The following RAB11FIP3 variants were observed in gnomAD, a reference collection of about 807,000 sequenced individuals.
The protein encoded by RAB11FIP3 is RAB11 family interacting protein 3.
RAB11FIP3 carries 17 observed loss-of-function variants against 77.8 expected under a neutral mutation model. The ratio of observed to expected loss-of-function variants is 0.22; its 90% CI spans 0.15 to 0.33. RAB11FIP3 has a LOEUF of 0.33. Among genes scored for constraint, RAB11FIP3 ranks in the 10% least tolerant of loss-of-function variants. RAB11FIP3 has a pLI of 1.00. For missense variants in RAB11FIP3, 1,005 were observed against 1,011.2 expected (o/e 0.99, Z 0.08); for synonymous variants, 437 against 448.2 (o/e 0.98, Z 0.31).
rs368419347 is a variant in RAB11FIP3, at chr16:432,922, T to C, written c.714+6202T>C. Among the ~76,000 whole-genome samples the C allele has an allele frequency of 9.4e-5, 14 of 149,626 alleles. No homozygotes were observed. In the East Asian group the frequency reaches 2.4e-3, roughly 26 times the overall value. ...CCTAGCCTGAGCTGTTTCTTTTTAA[T>C]TGATAGAAATATTTGTACATATTCA... On this transcript the variant is annotated intron_variant, in intron 1 of 13. Transcript: ENST00000262305.
rs2030155316 is a variant in RAB11FIP3 at position 491,221 on chromosome 16, C to T, written c.1265+2221C>T. 5 of 1,304,776 alleles carry T rather than the reference C, an allele frequency of 3.8e-6. No homozygotes were observed. The African/African-American group carries it at 6.1e-5, about 16-fold the overall frequency. The allele number at this position is 1,304,776 out of a possible 1,614,324, so 80.8% of individuals were successfully genotyped here. A position where few individuals can be genotyped will look rare whatever the true frequency, so the allele number is the denominator to read the frequency against. On this transcript the variant is annotated intron_variant, in intron 5 of 13. Coordinates refer to ENST00000262305, the MANE Select transcript of RAB11FIP3 (RefSeq NM_014700.4). ...GTAGCCAGTGCCACAAACAAATCAACCGCCTTGAGGATCTTTCTGCCCGCC... is the reference window on the plus strand; with the variant it reads ...GTAGCCAGTGCCACAAACAAATCAATCGCCTTGAGGATCTTTCTGCCCGCC...
intron 5 of RAB11FIP3, among the ~76,000 whole-genome samples, chr16:493,902 A>G (rs575091782): frequency 2.2e-4 from 25 of 114,476 alleles, no homozygotes; most frequent in East Asian, 1.4e-3. Flanking sequence ...GCCTGGAGGT[A>G]TATTATCTTT....
chr16:432,587 G>GT (rs775298981), intron 1 of RAB11FIP3, among the ~76,000 whole-genome samples: 2,818 of 111,242 alleles, frequency 0.025, 62 homozygotes, highest in African/African-American at 0.04. Context: ...TTTTGACCTG[G>GT]TTTTTTTTTT....
intron 1 of RAB11FIP3, among the ~76,000 whole-genome samples, chr16:447,631 A>G (rs976678905): frequency 1.3e-5 from 2 of 151,972 alleles, no homozygotes; most frequent in African/African-American, 2.4e-5. Context: ...CCAGCTACTC[A>G]GTGGGCTAAG....
At chr16:462,681 C>CGTCCCTT (rs948047914) in intron 2 of RAB11FIP3, among the ~76,000 whole-genome samples, 4 of 144,242 alleles carry the variant, frequency 2.8e-5, no homozygotes, top group Non-Finnish European at 6.0e-5. Flanking sequence ...TCCCCGGCAC[C>CGTCCCTT]GTCCCTTCCC....
chr16:453,558 C>G (rs906074450), intron 1 of RAB11FIP3: 7 of 150,192 alleles, frequency 4.7e-5, no homozygotes, highest in Non-Finnish European at 8.8e-5. Flanking sequence ...CATGGGTAAT[C>G]AGAACAGATC....
chr16:470,826 G>A (rs559060573), intron 2 of RAB11FIP3, among the ~76,000 whole-genome samples: 4 of 152,198 alleles, frequency 2.6e-5, no homozygotes, highest in South Asian at 4.1e-4. Flanking sequence ...TGAAAACTGC[G>A]CGTGAACCCA....
chr16:431,564 G>A (rs957623214), intron 1 of RAB11FIP3, among the ~76,000 whole-genome samples: 3 of 151,880 alleles, frequency 2.0e-5, no homozygotes, highest in South Asian at 2.1e-4. Context: ...TAGTAGAGAC[G>A]GGGTTTCGCC....
chr16:477,656 G>A (rs1015535246), intron 3 of RAB11FIP3: 26 of 985,342 alleles, frequency 2.6e-5, no homozygotes, highest in Non-Finnish European at 2.7e-5. Context: ...GCCCAGGGAC[G>A]GTGAGTAGCA....
At chr16:445,067 T>C (rs2055288985) in intron 1 of RAB11FIP3, among the ~76,000 whole-genome samples, 1 of 127,222 alleles carries the variant, frequency 7.9e-6, no homozygotes, top group African/African-American at 3.2e-5. Flanking sequence ...TGAGCCGAGA[T>C]CTCACCACTG....
chr16:468,263 CAGGGAAG>C lies in RAB11FIP3; in HGVS notation c.809-3031_809-3025del, dbSNP rs1567374327. Among the ~76,000 whole-genome samples, 502 of 117,198 alleles carry C rather than the reference CAGGGAAG, an allele frequency of 4.3e-3. 14 individuals are homozygous for C. The highest frequency in any genetic ancestry group is 0.01 in the African/African-American group (310 of 29,960). 76.9% of individuals were successfully genotyped at this position (117,198 alleles called of 152,430 possible). On this transcript the variant is annotated intron_variant, in intron 2 of 13. Coordinates refer to ENST00000262305, the MANE Select transcript of RAB11FIP3 (RefSeq NM_014700.4). ...GTGCTGGGGCGTCAGGGAGGAGGTG[CAGGGAAG>C]TCAGGGAGGAGGTGCAGGGGCGTCA... is the stretch of plus-strand genomic sequence containing the variant.
chr16:468,053 TTGGAGGAGGTG>T lies in RAB11FIP3; in HGVS notation c.809-3241_809-3231del, dbSNP rs1567374100. 1.3e-3 allele frequency among the ~76,000 whole-genome samples: 37 copies of T among 27,472 alleles called. 2 individuals carry two copies. Among genetic ancestry groups the T allele is most frequent in the Non-Finnish European group, 1.4e-3 (19 of 13,542 alleles). The allele number at this position is 27,472 out of a possible 152,430, so 18.0% of individuals were successfully genotyped here. A position where few individuals can be genotyped will look rare whatever the true frequency, so the allele number is the denominator to read the frequency against. On this transcript the variant is annotated intron_variant, in intron 2 of 13. Transcript: ENST00000262305. ...AAGTCAGGGAGGAGGTGCAGGGGCGTTGGAGGAGGTGCAGGGAAGTGAGGGAGGAGGTGCAG... is the reference window on the plus strand; with the variant it reads ...AAGTCAGGGAGGAGGTGCAGGGGCGTCAGGGAAGTGAGGGAGGAGGTGCAG...
At position 448,541 on chromosome 16, in the gene RAB11FIP3, C is replaced by G. The variant is rs147857433; in HGVS notation, c.715-12863C>G. Reference sequence around the variant, plus strand: ...CACGAGGTCAGGAGATCGAGACCATCCTGGCTAACACGGTGAAACCCCTTC... The same window carrying G: ...CACGAGGTCAGGAGATCGAGACCATGCTGGCTAACACGGTGAAACCCCTTC... On this transcript the variant is annotated intron_variant, in intron 1 of 13. Coordinates refer to ENST00000262305, the MANE Select transcript of RAB11FIP3 (RefSeq NM_014700.4). 4.9e-4 allele frequency among the ~76,000 whole-genome samples: 75 copies of G among 151,732 alleles called. No individual in the cohort carries two copies. In the East Asian group the frequency reaches 0.011, roughly 23 times the overall value.
intron 9 of RAB11FIP3, among the ~76,000 whole-genome samples, chr16:511,986 AC>A (rs2141887788): frequency 1.7e-5 from 1 of 58,638 alleles, no homozygotes; most frequent in East Asian, 5.1e-4. Flanking sequence ...CTGACAGCCC[AC>A]CCACCCCAGA....
At chr16:460,377 A>C (rs2055584455) in intron 1 of RAB11FIP3, among the ~76,000 whole-genome samples, 1 of 152,134 alleles carries the variant, frequency 6.6e-6, no homozygotes, top group South Asian at 2.1e-4. Context: ...TTACATAGGC[A>C]AACGTGTGCC....
At chr16:479,987 T>A (rs1310713496) in intron 3 of RAB11FIP3, among the ~76,000 whole-genome samples, 1 of 151,674 alleles carries the variant, frequency 6.6e-6, no homozygotes, top group East Asian at 1.9e-4. Context: ...ATTTTTCATT[T>A]AAAAAAAAGT....
intron 9 of RAB11FIP3, 37 bp from the exon 10 acceptor site, chr16:518,906 T>G (rs750462042): frequency 9.3e-6 from 15 of 1,609,332 alleles, no homozygotes; most frequent in African/African-American, 2.7e-5. Context: ...GAGGCGAGCT[T>G]CCTGGAGTGA....
chr16:431,251 C>T (rs1234519896), intron 1 of RAB11FIP3, among the ~76,000 whole-genome samples: 1 of 152,088 alleles, frequency 6.6e-6, no homozygotes, highest in Non-Finnish European at 1.5e-5. Flanking sequence ...TGTATGTATT[C>T]TGGGTCTACA....
In RAB11FIP3 at chr16:492,451, GC is replaced by G. The variant is rs1294363158; in HGVS notation, c.1265+3454del. On this transcript the variant is annotated intron_variant, in intron 5 of 13. Transcript: ENST00000262305. ...CCCGGGAGACCCGAGGCCGCCCAGG[GC>G]CCTTCCCGGGGAGACCCGAGGCCGC... Among the ~76,000 whole-genome samples, 31 of 134,990 alleles carry G rather than the reference GC, an allele frequency of 2.3e-4. 1 individual carries two copies. Among genetic ancestry groups the G allele is most frequent in the African/African-American group, 7.5e-4 (26 of 34,524 alleles). The allele number at this position is 134,990 out of a possible 152,430, so 88.6% of individuals were successfully genotyped here.
Sources: allele counts gnomAD v4.1 joint callset (sites outside exome capture counted in the v4.1 genomes callset), GRCh38; gene constraint gnomAD v4.1.1; transcripts MANE v1.5; gene names NCBI Gene and HGNC (gene_info 2026-07-23, HGNC 2026-07-21).